The following TBC1D10A variants were observed in gnomAD, a reference collection of about 807,000 sequenced individuals.
The protein encoded by TBC1D10A is EBP50-PDX interactor of 64 kDa.
In TBC1D10A, 24 loss-of-function variants were observed where a neutral mutation model predicts 52.9. The observed-to-expected ratio is 0.45, with a 90% confidence interval of 0.33 to 0.64. TBC1D10A has a LOEUF of 0.64. Among genes scored for constraint, TBC1D10A ranks in the 30% least tolerant of loss-of-function variants. The pLI, the probability that TBC1D10A is intolerant of heterozygous loss-of-function variation, is 0.02. For synonymous variants in TBC1D10A, 278 were observed against 282.9 expected, an observed-to-expected ratio of 0.98 and a Z score of 0.17; for missense variants, 602 against 687.9, an observed-to-expected ratio of 0.88 and a Z score of 1.40.
Position 30,305,167 on chromosome 22 carries a change from G to A in TBC1D10A, c.210-537C>T, listed in dbSNP as rs892440568. Among the ~76,000 whole-genome samples the A allele has an allele frequency of 4.6e-5, 7 of 151,942 alleles. No individual in the cohort carries two copies. In the East Asian group the frequency reaches 7.7e-4, roughly 17 times the overall value. On this transcript the variant is annotated intron_variant, in intron 1 of 8. Coordinates refer to ENST00000215790, the MANE Select transcript of TBC1D10A (RefSeq NM_031937.3). ...ACTTTGCTGGAATGCTTCCCAAATC[G>A]TCTCCACCCATCAAAATCCTACACA...
chr22:30,311,444 G>A (rs567703078), intron 1 of TBC1D10A, among the ~76,000 whole-genome samples: 1 of 152,320 alleles, frequency 6.6e-6, no homozygotes, highest in South Asian at 2.1e-4. Flanking sequence ...CAGGCTCCCT[G>A]TCTGAGTGAG....
intron 1 of TBC1D10A, among the ~76,000 whole-genome samples, chr22:30,321,205 C>T (rs545641464): frequency 1.3e-5 from 2 of 152,248 alleles, no homozygotes; most frequent in East Asian, 3.9e-4. Context: ...GCCACCAAAC[C>T]GGATATTCCT....
intron 1 of TBC1D10A, among the ~76,000 whole-genome samples, chr22:30,326,431 T>C: frequency 6.7e-6 from 1 of 149,992 alleles, no homozygotes; most frequent in East Asian, 2.0e-4. Context: ...GGTCAGTCTG[T>C]CCGGAGGGTG....
chr22:30,325,136 A>G lies in TBC1D10A; in HGVS notation c.209+1537T>C, dbSNP rs953852107. ...AATCCCTGGGGAACTGTGACAAAGC[A>G]TCAGTCAGGGTGAGGGTTCAGAATG... On this transcript the variant is annotated intron_variant, in intron 1 of 8. Coordinates refer to ENST00000215790, the MANE Select transcript of TBC1D10A (RefSeq NM_031937.3). Among the ~76,000 whole-genome samples, 9 of 152,346 alleles carry G rather than the reference A, an allele frequency of 5.9e-5. 1 individual carries two copies. In the South Asian group the frequency reaches 1.9e-3, roughly 32 times the overall value.
intron 3 of TBC1D10A, chr22:30,296,161 T>C (rs965769913): frequency 1.6e-5 from 5 of 308,778 alleles, no homozygotes; most frequent in African/African-American, 1.1e-4. Flanking sequence ...AGATACATTA[T>C]GTCACATCCT....
intron 7 of TBC1D10A, 35 bp downstream of exon 7, chr22:30,293,886 G>A: frequency 1.2e-6 from 2 of 1,605,566 alleles, no homozygotes; most frequent in Non-Finnish European, 1.7e-6. Flanking sequence ...GGGCTGCTGG[G>A]GACAGGGGTG....
intron 1 of TBC1D10A, chr22:30,318,827 T>C (rs1182696716): frequency 4.8e-6 from 2 of 413,502 alleles, no homozygotes; most frequent in Non-Finnish European, 9.8e-6. Context: ...TTATGCCGTC[T>C]TCCATGCCAG....
intron 6 of TBC1D10A, 67 bp from the exon 7 acceptor site, chr22:30,294,177 C>T (rs1379525367): frequency 6.8e-7 from 1 of 1,463,486 alleles, no homozygotes; most frequent in African/African-American, 1.4e-5. Context: ...AGACTACACC[C>T]CAGCACCCAG....
At chr22:30,293,172 C>A (rs1050357611) in intron 8 of TBC1D10A, 12 of 638,532 alleles carry the variant, frequency 1.9e-5, no homozygotes, top group African/African-American at 3.6e-5. Context: ...TCACCCACCG[C>A]TGCCCAGGGC....
intron 1 of TBC1D10A, among the ~76,000 whole-genome samples, chr22:30,305,956 T>C (rs1945049481): frequency 6.6e-6 from 1 of 152,168 alleles, no homozygotes; most frequent in African/African-American, 2.4e-5. Context: ...CATGAGTTAC[T>C]CCTTTCTTTG....
intron 2 of TBC1D10A, among the ~76,000 whole-genome samples, chr22:30,302,394 G>C (rs966379638): frequency 6.6e-6 from 1 of 152,280 alleles, no homozygotes; most frequent in East Asian, 1.9e-4. Flanking sequence ...TGCAGGACCA[G>C]AATTCTGTCC....
intron 1 of TBC1D10A, among the ~76,000 whole-genome samples, chr22:30,315,930 G>A (rs1930527367): frequency 6.6e-6 from 1 of 152,210 alleles, no homozygotes; most frequent in Non-Finnish European, 1.5e-5. Flanking sequence ...AGGCCACACA[G>A]TGGTCACCAA....
intron 4 of TBC1D10A, 43 bp from the exon 5 acceptor site, chr22:30,295,098 T>C: frequency 6.3e-7 from 1 of 1,596,036 alleles, no homozygotes; most frequent in Non-Finnish European, 8.6e-7. Context: ...GGGGTGACTC[T>C]GCTACCCACG....
intron 1 of TBC1D10A, among the ~76,000 whole-genome samples, chr22:30,326,147 G>A (rs1930766168): frequency 6.6e-6 from 1 of 150,746 alleles, no homozygotes; most frequent in African/African-American, 2.4e-5. Flanking sequence ...TCTGTCCTGG[G>A]AAGGGGTGGG....
chr22:30,325,360 C>G (rs1263817738), intron 1 of TBC1D10A, among the ~76,000 whole-genome samples: 1 of 152,234 alleles, frequency 6.6e-6, no homozygotes, highest in Non-Finnish European at 1.5e-5. Flanking sequence ...GGTTCTTAGA[C>G]AGTTAAAGCG....
In TBC1D10A at chr22:30,294,102, G is replaced by T; in HGVS notation, c.714C>A (p.Ile238=). ...AGAAAAGGATCTCCCCGTCCAGCTGGATCGCCTCCTAGGGAGACATCGAGG... is the reference window on the plus strand; with the variant it reads ...AGAAAAGGATCTCCCCGTCCAGCTGTATCGCCTCCTAGGGAGACATCGAGG... The part of the protein sequence containing the change: ...PGYYSEKLEA[I]QLDGEILFSL... Residue 238 remains isoleucine (I), a synonymous_variant, in exon 7 of 9, where the codon ATC becomes ATA. Transcript: ENST00000215790. The T allele has an allele frequency of 6.2e-7, 1 of 1,613,608 alleles. No individual in the cohort carries two copies. The highest frequency in any genetic ancestry group is 1.1e-5 in the South Asian group (1 of 91,086).
chr22:30,292,425 G>C lies in TBC1D10A; in HGVS notation c.1477C>G (p.Arg493Gly). 1 of 1,593,220 alleles carries C rather than the reference G, an allele frequency of 6.3e-7. No individual in the cohort carries two copies. The highest frequency in any genetic ancestry group is 8.6e-7 in the Non-Finnish European group (1 of 1,168,802). Residue 493 changes from arginine (R) to glycine (G), a missense_variant, in exon 9 of 9, where the codon CGC becomes GGC. Transcript: ENST00000215790. ...TGGGACGTCAAGCTCTCCTGGGAGC[G>C]GTGGTGGGCTGAGACCTGGGGAGCC... ...DLAPQVSAHHRSQESLTSQES... is the reference protein window; with the variant it reads ...DLAPQVSAHHGSQESLTSQES...
At chr22:30,320,175 G>C (rs1930623563) in intron 1 of TBC1D10A, among the ~76,000 whole-genome samples, 1 of 152,210 alleles carries the variant, frequency 6.6e-6, no homozygotes. Flanking sequence ...TGGCCATTAT[G>C]CAGCATGTTG....
At chr22:30,316,461 G>GTT (rs71328836) in intron 1 of TBC1D10A, among the ~76,000 whole-genome samples, 107 of 143,098 alleles carry the variant, frequency 7.5e-4, no homozygotes, top group Middle Eastern at 7.1e-3. Context: ...TTTTGTTTTT[G>GTT]TTTTTTTTTT....
Sources: gnomAD v4.1 joint callset for allele counts (sites outside exome capture counted in the v4.1 genomes callset) on GRCh38, gnomAD v4.1.1 for gene constraint, MANE v1.5 for transcripts, NCBI Gene and HGNC (gene_info 2026-07-23, HGNC 2026-07-21) for gene names.